The following PRKCE variants were observed in gnomAD, a reference collection of about 807,000 sequenced individuals.
PRKCE encodes protein kinase C epsilon type.
In PRKCE, 16 loss-of-function variants were observed where a neutral mutation model predicts 85.4. The observed-to-expected ratio is 0.19, with a 90% confidence interval of 0.13 to 0.28. The LOEUF (loss-of-function observed/expected upper bound fraction) is 0.28, where lower values mean the gene tolerates loss of function less well. Among genes scored for constraint, PRKCE ranks in the 10% least tolerant of loss-of-function variants. The probability of loss-of-function intolerance (pLI) is 1.00; values close to 1 mark genes in which losing one functional copy is unlikely to be tolerated. For synonymous variants in PRKCE, 388 were observed against 371.5 expected (o/e 1.04, Z -0.51); for missense variants, 573 against 975.2 (o/e 0.59, Z 5.49).
chr2:45,747,156 A>G (rs747605150), intron 1 of PRKCE, among the ~76,000 whole-genome samples: 3 of 152,250 alleles, frequency 2.0e-5, no homozygotes, highest in Non-Finnish European at 2.9e-5. Context: ...ACAGTATGTA[A>G]TATGAAACAA....
At chr2:46,059,732 G>C (rs1343207901) in intron 10 of PRKCE, among the ~76,000 whole-genome samples, 1 of 152,150 alleles carries the variant, frequency 6.6e-6, no homozygotes, top group Non-Finnish European at 1.5e-5. Context: ...GAGCCCAGGA[G>C]CTCAAGGCTG....
chr2:45,788,627 T>C (rs73926092), intron 1 of PRKCE, among the ~76,000 whole-genome samples: 50 of 152,340 alleles, frequency 3.3e-4, no homozygotes, highest in African/African-American at 1.1e-3. Flanking sequence ...AGATAAGTGA[T>C]CTTGTTTCAA....
intron 6 of PRKCE, among the ~76,000 whole-genome samples, chr2:45,987,807 A>G (rs552080778): frequency 1.3e-5 from 2 of 152,148 alleles, no homozygotes; most frequent in East Asian, 1.9e-4. Context: ...GCCTGCTTCC[A>G]CTTATCTCTT....
At chr2:45,672,550 G>C (rs1676225603) in intron 1 of PRKCE, among the ~76,000 whole-genome samples, 2 of 152,204 alleles carry the variant, frequency 1.3e-5, no homozygotes, top group Admixed American at 6.5e-5. Flanking sequence ...TTTTTAGTAA[G>C]GGAGTCTGAT....
intron 1 of PRKCE, among the ~76,000 whole-genome samples, chr2:45,737,747 G>A (rs993293060): frequency 6.6e-6 from 1 of 151,876 alleles, no homozygotes; most frequent in Non-Finnish European, 1.5e-5. Flanking sequence ...TGTCCACAGA[G>A]CTTGTCTTGC....
At chr2:45,896,985 A>C (rs1696196075) in intron 2 of PRKCE, among the ~76,000 whole-genome samples, 1 of 152,108 alleles carries the variant, frequency 6.6e-6, no homozygotes, top group South Asian at 2.1e-4. Flanking sequence ...GGCTGAGGTG[A>C]AAGGATCCCT....
intron 2 of PRKCE, among the ~76,000 whole-genome samples, chr2:45,911,213 T>C (rs1205637323): frequency 6.6e-6 from 1 of 152,212 alleles, no homozygotes. Context: ...TCAATCAACA[T>C]TAGGAAGAGC....
At chr2:45,982,269 G>A (rs1026811536) in intron 5 of PRKCE, among the ~76,000 whole-genome samples, 7 of 152,192 alleles carry the variant, frequency 4.6e-5, no homozygotes, top group South Asian at 4.1e-4. Context: ...CTTTGAGTTC[G>A]TTCTTTTGTG....
chr2:45,941,077 A>AAAAAAAAAAAAAG (rs1400927636), intron 2 of PRKCE, among the ~76,000 whole-genome samples: 4 of 150,344 alleles, frequency 2.7e-5, no homozygotes, highest in African/African-American at 9.8e-5. Context: ...AAAAAAAAAA[A>AAAAAAAAAAAAAG]AAAAAAAAAA....
At chr2:45,668,838 G>T (rs1489455027) in intron 1 of PRKCE, among the ~76,000 whole-genome samples, 1 of 152,094 alleles carries the variant, frequency 6.6e-6, no homozygotes, top group Non-Finnish European at 1.5e-5. Context: ...AAGTAATAGT[G>T]ATGAACCACT....
chr2:46,039,481 C>G (rs919353675), intron 10 of PRKCE, among the ~76,000 whole-genome samples: 2 of 152,130 alleles, frequency 1.3e-5, no homozygotes, highest in Non-Finnish European at 2.9e-5. Flanking sequence ...TCTAACCCTA[C>G]TGACCATGAT....
intron 2 of PRKCE, among the ~76,000 whole-genome samples, chr2:45,868,211 G>C (rs1043197661): frequency 7.3e-6 from 1 of 136,444 alleles, no homozygotes; most frequent in Non-Finnish European, 1.5e-5. Context: ...GGGTGTAACG[G>C]AGCTTTTTTT....
Position 45,907,183 on chromosome 2 carries a change from A to G in PRKCE, c.412+64120A>G, listed in dbSNP as rs1249953281. Among the ~76,000 whole-genome samples the G allele has an allele frequency of 1.3e-5, 2 of 152,240 alleles. No individual in the cohort carries two copies. The highest frequency in any genetic ancestry group is 6.5e-5 in the Admixed American group (1 of 15,284). ...ATGATCAGGCCAGTGATGGAAAGAAAGCCCGAGAGAAGAGAAAAATGAAGC... is the reference window on the plus strand; with the variant it reads ...ATGATCAGGCCAGTGATGGAAAGAAGGCCCGAGAGAAGAGAAAAATGAAGC... On this transcript the variant is annotated intron_variant, in intron 2 of 14. Transcript: ENST00000306156. The surrounding 1 kb of genome is among the most constrained non-coding windows in gnomAD (Gnocchi z 4.5).
chr2:45,980,203 C>G (rs1006243841), intron 4 of PRKCE, 93 bp from the exon 5 acceptor site: 9 of 1,204,534 alleles, frequency 7.5e-6, no homozygotes, highest in Admixed American at 5.6e-5. Flanking sequence ...GGGCCTGGCT[C>G]CCCTTGTCAC....
chr2:45,841,630 GAC>G (rs1410957727), intron 1 of PRKCE, among the ~76,000 whole-genome samples: 2 of 152,170 alleles, frequency 1.3e-5, no homozygotes, highest in African/African-American at 4.8e-5. Flanking sequence ...CACCCTCACA[GAC>G]ACACCCAGTA....
At chr2:45,726,060 G>A (rs1452189726) in intron 1 of PRKCE, among the ~76,000 whole-genome samples, 2 of 152,226 alleles carry the variant, frequency 1.3e-5, no homozygotes, top group African/African-American at 2.4e-5. Flanking sequence ...GATTGCTGCA[G>A]TCTCTTGACC....
chr2:45,980,192 G>A, intron 4 of PRKCE, 104 bp from the exon 5 acceptor site: 1 of 1,021,164 alleles, frequency 9.8e-7, no homozygotes, highest in Non-Finnish European at 1.5e-6. Flanking sequence ...AGTGGCAGAA[G>A]GGGCCTGGCT....
intron 2 of PRKCE, among the ~76,000 whole-genome samples, chr2:45,957,004 T>G (rs947695713): frequency 1.3e-5 from 2 of 151,840 alleles, no homozygotes; most frequent in African/African-American, 4.8e-5. Flanking sequence ...TTAATAATTA[T>G]TGAGTTCTGA....
chr2:45,781,372 C>A (rs1484827967), intron 1 of PRKCE, among the ~76,000 whole-genome samples: 1 of 152,188 alleles, frequency 6.6e-6, no homozygotes, highest in Non-Finnish European at 1.5e-5. Flanking sequence ...ACCTCTGACT[C>A]CTGCTTACCA....
Sources: allele counts gnomAD v4.1 joint callset (sites outside exome capture counted in the v4.1 genomes callset), GRCh38; gene constraint gnomAD v4.1.1; non-coding constraint Gnocchi (gnomAD v3.1); transcripts MANE v1.5; gene names NCBI Gene and HGNC (gene_info 2026-07-23, HGNC 2026-07-21).